The following INTS1 variants were observed in gnomAD, a reference collection of about 807,000 sequenced individuals.
INTS1 encodes the protein integrator complex subunit 1.
Under a neutral mutation model 241.6 loss-of-function variants are expected in INTS1, and 137 were observed. The observed-to-expected ratio is 0.57, with a 90% CI of 0.49 to 0.65. The LOEUF (loss-of-function observed/expected upper bound fraction) is 0.65. INTS1 is among the 30% of genes least tolerant of loss of function. The pLI, the probability that INTS1 is intolerant of heterozygous loss-of-function variation, is 0.00. For synonymous variants in INTS1, 1,692 were observed against 1,337.8 expected, an observed-to-expected ratio of 1.26 and a Z score of -5.78; for missense variants, 3,073 against 3,032.2, an observed-to-expected ratio of 1.01 and a Z score of -0.32.
chr7:1,489,591 C>T lies in INTS1; in HGVS notation c.2257G>A (p.Gly753Ser). 1 of 1,578,906 alleles carries T rather than the reference C, an allele frequency of 6.3e-7. No individual in the cohort carries two copies. Among genetic ancestry groups the T allele is most frequent in the Non-Finnish European group, 8.6e-7 (1 of 1,161,188 alleles). Residue 753 changes from glycine to serine, a missense_variant and splice_region_variant, in exon 17 of 48, where the codon GGC (glycine) becomes AGC (serine). Physicochemically the swap from Gly to Ser is moderately conservative, Grantham distance 56. Transcript: ENST00000404767. ...VVAAFNPENIGLAAWEEYPTL... is the reference protein window; with the variant it reads ...VVAAFNPENISLAAWEEYPTL... ...CATGGGGCGGCCAGCAGAGGCTCAC[C>T]GATGTTCTCTGGGTTGAATGCGGCG...
Position 1,497,346 on chromosome 7 carries a change from C to A in INTS1, c.1426-32G>T. ...CAGAGAGAGGCCGCGTGGGAGGCTG[C>A]CCGACAGTGCTGTCCCTGTCACAGG... On this transcript the variant is annotated intron_variant, in intron 10 of 47. Transcript: ENST00000404767. This position sits in a 1 kb window ranked among gnomAD's most constrained non-coding sequence, Gnocchi z 5.3. 1 of 1,594,410 alleles carries A rather than the reference C, an allele frequency of 6.3e-7. No homozygotes were observed. The highest frequency in any genetic ancestry group is 8.5e-7 in the Non-Finnish European group (1 of 1,170,764).
Position 1,493,737 on chromosome 7 carries a change from CCCTGCAGAAGCCATACCATCCG to C in INTS1, c.2063_2068+16del. ...GAGCAGACCCAGCACAGGCGCCATCCCCTGCAGAAGCCATACCATCCGCCTGCACGGCAGCCGCCCGCTTCAC... is the reference window on the plus strand; with the variant it reads ...GAGCAGACCCAGCACAGGCGCCATCCCCTGCACGGCAGCCGCCCGCTTCAC... On this transcript the variant is annotated splice_donor_variant and splice_donor_5th_base_variant and coding_sequence_variant and intron_variant, in exon 15 of 48. Coordinates refer to ENST00000404767, the MANE Select transcript of INTS1 (RefSeq NM_001080453.3). LOFTEE classifies it high-confidence loss of function. This position sits in a 1 kb window ranked among gnomAD's most constrained non-coding sequence, Gnocchi z 5.3. 1 of 1,565,642 alleles carries C rather than the reference CCCTGCAGAAGCCATACCATCCG, an allele frequency of 6.4e-7. No homozygotes were observed. The highest frequency in any genetic ancestry group is 8.6e-7 in the Non-Finnish European group (1 of 1,156,700).
In INTS1 at chr7:1,481,086, C is replaced by T; in HGVS notation, c.3851-153G>A. The T allele has an allele frequency of 1.4e-6, 1 of 692,214 alleles. No individual in the cohort carries two copies. Among genetic ancestry groups the T allele is most frequent in the South Asian group, 1.8e-5 (1 of 56,698 alleles). The allele number at this position is 692,214 out of a possible 1,614,324, so 42.9% of individuals were successfully genotyped here. A position where few individuals can be genotyped will look rare whatever the true frequency, so the allele number is the denominator to read the frequency against. ...TGGGTGAGCTCAGTCAGCACTGAGG[C>T]CCCAACAGCTCCCTCCAAGCTCAAA... On this transcript the variant is annotated intron_variant, in intron 28 of 47. Coordinates refer to ENST00000404767, the MANE Select transcript of INTS1 (RefSeq NM_001080453.3). This position sits in a 1 kb window ranked among gnomAD's most constrained non-coding sequence, Gnocchi z 6.8.
chr7:1,495,407 G>C (rs371924305), intron 13 of INTS1, 26 bp downstream of exon 13: 6 of 1,596,166 alleles, frequency 3.8e-6, no homozygotes, highest in Non-Finnish European at 5.1e-6. Flanking sequence ...GTGTGGGACA[G>C]GGGCTGTACA....
In INTS1 at chr7:1,489,285, G is replaced by A. The variant is rs929632647; in HGVS notation, c.2318+59C>T. The A allele has an allele frequency of 4.4e-5, 67 of 1,531,682 alleles. No homozygotes were observed. The South Asian group carries it at 4.4e-4, about 10-fold the overall frequency. The allele number at this position is 1,531,682 out of a possible 1,614,324, so 94.9% of individuals were successfully genotyped here. On this transcript the variant is annotated intron_variant, in intron 18 of 47. Transcript: ENST00000404767. ...AGACAGCAGGGAACACAGCCCCAGC[G>A]GAACGAGACCAGGCCCTGCTCCCCA...
At chr7:1,500,144 C>T in intron 4 of INTS1, 26 bp downstream of exon 4, 1 of 1,580,276 alleles carries the variant, frequency 6.3e-7, no homozygotes, top group Non-Finnish European at 8.6e-7. Flanking sequence ...GCGCTGCTCG[C>T]CTCCTGCCAG....
Position 1,504,372 on chromosome 7 carries a change from G to C in INTS1, c.-91C>G. ...CCGCCGCCGCCACCCGGCCACCCCGGAATCGGAAACCGATCTCACCGCCCT... is the reference window on the plus strand; with the variant it reads ...CCGCCGCCGCCACCCGGCCACCCCGCAATCGGAAACCGATCTCACCGCCCT... On this transcript the variant is annotated 5_prime_UTR_variant, in exon 1 of 48. Transcript: ENST00000404767. 1 of 488,416 alleles carries C rather than the reference G, an allele frequency of 2.0e-6. No individual in the cohort carries two copies. The highest frequency in any genetic ancestry group is 4.0e-6 in the Non-Finnish European group (1 of 249,664). The allele number at this position is 488,416 out of a possible 1,614,324, so 30.3% of individuals were successfully genotyped here. A position where few individuals can be genotyped will look rare whatever the true frequency, so the allele number is the denominator to read the frequency against.
At position 1,470,902 on chromosome 7, in the gene INTS1, A is replaced by G. The variant is rs771350527; in HGVS notation, c.6401T>C (p.Phe2134Ser). Residue 2134 changes from phenylalanine to serine, a missense_variant, in exon 47 of 48, where the codon TTT becomes TCT. By Grantham distance (155) the Phe-to-Ser change is radical (BLOSUM62 -2). Transcript: ENST00000404767. ...CCGGAGGGCCGTCTGCACCACCTCA[A>G]AGTCCTGGCTGCCCAGGCAGTACAT... ...TFMYCLGSQD[F>S]EVVQTALRNL... 6.3e-7 allele frequency: 1 copy of G among 1,592,108 alleles called. No homozygotes were observed. The highest frequency in any genetic ancestry group is 2.3e-5 in the East Asian group (1 of 43,520).
In INTS1 at chr7:1,470,625, C is replaced by T. The variant is rs557528129; in HGVS notation, c.6525G>A (p.Ala2175=). The T allele has an allele frequency of 3.0e-5, 47 of 1,587,294 alleles. No homozygotes were observed. Among genetic ancestry groups the T allele is most frequent in the Admixed American group, 2.8e-4 (16 of 57,186 alleles). The change falls in exon 48 of 48, where the codon GCG becomes GCA. Residue 2175 remains alanine (A), a synonymous_variant. Transcript: ENST00000404767. ...VGMYGQMDPS[A]QISEALRILH... ...GGATCCTCAGGGCCTCGGAGATCTG[C>T]GCGCTGGGGTCCATCTGGCCGTACA...
At chr7:1,483,433 C>CGCAG in intron 26 of INTS1, 1 of 459,858 alleles carries the variant, frequency 2.2e-6, no homozygotes, top group Non-Finnish European at 4.0e-6. Flanking sequence ...TCCCAGGCAC[C>CGCAG]GCAGGCCTAC....
At chr7:1,475,922 G>C in intron 39 of INTS1, 26 bp downstream of exon 39, 1 of 1,525,114 alleles carries the variant, frequency 6.6e-7, no homozygotes, top group Non-Finnish European at 8.8e-7. Flanking sequence ...GGACGGCGGC[G>C]GGGAGCGGCA....
intron 24 of INTS1, 150 bp downstream of exon 24, chr7:1,484,948 G>A (rs1447660533): frequency 1.2e-5 from 6 of 505,164 alleles, no homozygotes; most frequent in South Asian, 6.3e-5. Context: ...TGCTGACCCC[G>A]TCCCCTCCCC....
chr7:1,498,165 A>C (rs1003096437), intron 10 of INTS1, among the ~76,000 whole-genome samples: 5 of 152,216 alleles, frequency 3.3e-5, no homozygotes, highest in African/African-American at 1.2e-4. Flanking sequence ...TTAAGACTCA[A>C]TGTGGCTCCC....
At chr7:1,485,766 G>A (rs529894428) in intron 22 of INTS1, among the ~76,000 whole-genome samples, 1 of 152,340 alleles carries the variant, frequency 6.6e-6, no homozygotes, top group South Asian at 2.1e-4. Context: ...ACGCAGGGAA[G>A]GAACTTAAAA....
In INTS1 at chr7:1,472,318, T is replaced by C. The variant is rs199728337; in HGVS notation, c.6139A>G (p.Met2047Val). The C allele has an allele frequency of 3.2e-4, 503 of 1,569,722 alleles. No homozygotes were observed. The highest frequency in any genetic ancestry group is 2.2e-3 in the Middle Eastern group (13 of 5,882). Residue 2047 changes from methionine to valine, a missense_variant, in exon 44 of 48, where the codon ATG becomes GTG. Coordinates refer to ENST00000404767, the MANE Select transcript of INTS1 (RefSeq NM_001080453.3). ...SLFTPLTAAE[M>V]APYMKRLSRG... is the part of the protein sequence containing the mutation. Reference sequence around the variant, plus strand: ...GAAAGCCGTTTCATGTAGGGGGCCATCTCGGCCGCGGTCAGAGGGGTGAAC... The same window carrying C: ...GAAAGCCGTTTCATGTAGGGGGCCACCTCGGCCGCGGTCAGAGGGGTGAAC...
Position 1,504,355 on chromosome 7 carries a change from G to A in INTS1, c.-74C>T, listed in dbSNP as rs374729850. On this transcript the variant is annotated 5_prime_UTR_variant, in exon 1 of 48. Coordinates refer to ENST00000404767, the MANE Select transcript of INTS1 (RefSeq NM_001080453.3). ...CCATCGCGACCGGAGCGCCGCCGCC[G>A]CCACCCGGCCACCCCGGAATCGGAA... 5.1e-5 allele frequency: 25 copies of A among 493,920 alleles called. No individual in the cohort carries two copies. Among genetic ancestry groups the A allele is most frequent in the East Asian group, 4.2e-4 (7 of 16,518 alleles). The allele number at this position is 493,920 out of a possible 1,614,324, so 30.6% of individuals were successfully genotyped here.
At position 1,499,977 on chromosome 7, in the gene INTS1, C is replaced by A. The variant is rs776876050; in HGVS notation, c.591G>T (p.Lys197Asn). 4.3e-6 allele frequency: 7 copies of A among 1,613,534 alleles called. No individual in the cohort carries two copies. Among genetic ancestry groups the A allele is most frequent in the Non-Finnish European group, 5.9e-6 (7 of 1,179,878 alleles). Residue 197 changes from lysine to asparagine, a missense_variant, in exon 5 of 48, where the codon AAG (lysine) becomes AAT (asparagine). By Grantham distance (94) the Lys-to-Asn change is moderately conservative (BLOSUM62 0). Transcript: ENST00000404767. The part of the protein sequence containing the change: ...LLRRDASINF[K>N]AKGNSLVSVL... ...CAGACACCAGGCTGTTCCCCTTGGC[C>A]TTGAAGTTGATGGAGGCGTCCCGCC... is the stretch of plus-strand genomic sequence containing the variant.
At chr7:1,494,735 C>T in intron 14 of INTS1, 81 bp downstream of exon 14, 2 of 1,386,664 alleles carry the variant, frequency 1.4e-6, no homozygotes, top group South Asian at 1.2e-5. Context: ...CTCCCACTGG[C>T]CCTTCCTGCC....
In INTS1 at chr7:1,481,198, C is replaced by T. The variant is rs1781976697; in HGVS notation, c.3850+144G>A. 3.1e-6 allele frequency: 3 copies of T among 966,046 alleles called. No individual in the cohort carries two copies. The Admixed American group carries it at 6.0e-5, about 19-fold the overall frequency. The allele number at this position is 966,046 out of a possible 1,614,324, so 59.8% of individuals were successfully genotyped here. On this transcript the variant is annotated intron_variant, in intron 28 of 47. Coordinates refer to ENST00000404767, the MANE Select transcript of INTS1 (RefSeq NM_001080453.3). The surrounding 1 kb of genome is among the most constrained non-coding windows in gnomAD (Gnocchi z 6.8). The stretch of plus-strand genomic sequence containing the variant: ...TGACTGTGCCAGCCTCACCAACCCA[C>T]AGGTCTAAGCCTGCCCTCGAGTGCC...
Sources: gnomAD v4.1 joint callset for allele counts (sites outside exome capture counted in the v4.1 genomes callset) on GRCh38, gnomAD v4.1.1 for gene constraint, Gnocchi (gnomAD v3.1) non-coding constraint, MANE v1.5 for transcripts, NCBI Gene and HGNC (gene_info 2026-07-23, HGNC 2026-07-21) for gene names.